The following SAMD4A variants were observed in gnomAD, a reference collection of about 807,000 sequenced individuals.
SAMD4A encodes the protein protein Smaug homolog 1.
A neutral mutation model predicts 81.3 loss-of-function variants in SAMD4A; 33 were observed. That is an observed-to-expected ratio of 0.41 (90% confidence interval 0.31 to 0.54). The LOEUF is 0.54. SAMD4A is among the 20% of genes least tolerant of loss of function. SAMD4A has a pLI of 0.37. For missense variants in SAMD4A, 854 were observed against 951.1 expected, an observed-to-expected ratio of 0.90 and a Z score of 1.34; for synonymous variants, 389 against 382.1, an observed-to-expected ratio of 1.02 and a Z score of -0.21.
chr14:54,787,453 C>A (rs1052526041), intron 12 of SAMD4A, among the ~76,000 whole-genome samples: 3 of 152,206 alleles, frequency 2.0e-5, no homozygotes, highest in Non-Finnish European at 4.4e-5. Flanking sequence ...GGAACCAACC[C>A]CCTGTGGTGG....
intron 6 of SAMD4A, among the ~76,000 whole-genome samples, chr14:54,757,857 C>T (rs991149371): frequency 3.9e-5 from 6 of 152,204 alleles, no homozygotes; most frequent in Non-Finnish European, 7.3e-5. Flanking sequence ...CTAGTTAGCA[C>T]GCAGTCTGAT....
chr14:54,569,971 G>T (rs2033080345), intron 2 of SAMD4A, among the ~76,000 whole-genome samples: 1 of 152,158 alleles, frequency 6.6e-6, no homozygotes, highest in Non-Finnish European at 1.5e-5. Context: ...ATTGAACTGT[G>T]AATTTTTTGA....
chr14:54,737,247 T>C lies in SAMD4A; in HGVS notation c.939T>C (p.Thr313=). 2 of 1,614,140 alleles carry C rather than the reference T, an allele frequency of 1.2e-6. No individual in the cohort carries two copies. Among genetic ancestry groups the C allele is most frequent in the South Asian group, 2.2e-5 (2 of 91,074 alleles). ...GGSEHLEDQT[T]ARNTFQEEGS... ...GTGAACACTTAGAAGATCAGACCAC[T>C]GCTCGTAACACATTCCAAGAAGAAG... is the stretch of plus-strand genomic sequence containing the variant. The change falls in exon 4 of 13, where the codon ACT becomes ACC. Residue 313 remains threonine (T), a synonymous_variant. Coordinates refer to ENST00000554335, the MANE Select transcript of SAMD4A (RefSeq NM_015589.6).
At chr14:54,630,447 C>T (rs886129761) in intron 2 of SAMD4A, among the ~76,000 whole-genome samples, 2 of 152,154 alleles carry the variant, frequency 1.3e-5, no homozygotes, top group East Asian at 3.8e-4. Flanking sequence ...TGTTGGCCAT[C>T]GTCCCATGTG....
intron 2 of SAMD4A, among the ~76,000 whole-genome samples, chr14:54,676,815 A>C (rs2036003776): frequency 6.6e-6 from 1 of 152,240 alleles, no homozygotes; most frequent in Non-Finnish European, 1.5e-5. Flanking sequence ...CACAGTAAGC[A>C]ATTCTCAAGA....
Position 54,766,048 on chromosome 14 carries a change from T to C in SAMD4A, c.1596+1508T>C, listed in dbSNP as rs75905687. 3.0e-3 allele frequency among the ~76,000 whole-genome samples: 455 copies of C among 152,258 alleles called. 11 individuals are homozygous for C. In the East Asian group the frequency reaches 0.068, roughly 23 times the overall value. On this transcript the variant is annotated intron_variant, in intron 8 of 12. Coordinates refer to ENST00000554335, the MANE Select transcript of SAMD4A (RefSeq NM_015589.6). ...CGCCATCCTCTGAAATGTTTAACTATACCAAAGTACTAGACTTTTCACTGA... is the reference window on the plus strand; with the variant it reads ...CGCCATCCTCTGAAATGTTTAACTACACCAAAGTACTAGACTTTTCACTGA...
chr14:54,710,496 G>A (rs1679305256), intron 3 of SAMD4A, among the ~76,000 whole-genome samples: 1 of 152,132 alleles, frequency 6.6e-6, no homozygotes. Flanking sequence ...AGTTCAGCTG[G>A]GATGTGAACC....
chr14:54,684,845 G>A (rs964443889), intron 2 of SAMD4A, among the ~76,000 whole-genome samples: 1 of 152,244 alleles, frequency 6.6e-6, no homozygotes, highest in Admixed American at 6.5e-5. Context: ...TGCAGCGTTT[G>A]ACTTGGGGGT....
intron 2 of SAMD4A, among the ~76,000 whole-genome samples, chr14:54,659,082 C>T (rs1372697731): frequency 6.6e-6 from 1 of 152,210 alleles, no homozygotes; most frequent in Non-Finnish European, 1.5e-5. Context: ...ATAGACAAAA[C>T]CTGGAATCCA....
At chr14:54,751,355 AAAG>A in intron 5 of SAMD4A, 93 bp from the exon 6 acceptor site, 1 of 773,424 alleles carries the variant, frequency 1.3e-6, no homozygotes, top group Non-Finnish European at 2.2e-6. Context: ...ATATAGGAGC[AAAG>A]AAGACAGTAA....
intron 2 of SAMD4A, chr14:54,685,796 A>AT: frequency 2.2e-6 from 1 of 456,646 alleles, no homozygotes; most frequent in Non-Finnish European, 4.4e-6. Flanking sequence ...GAATTCCATG[A>AT]TTTTCAGGCA....
intron 11 of SAMD4A, chr14:54,784,285 G>T: frequency 7.2e-7 from 1 of 1,388,104 alleles, no homozygotes; most frequent in Non-Finnish European, 1.0e-6. Flanking sequence ...GTTCTGAGCA[G>T]AGGAGGCACA....
chr14:54,591,706 G>A (rs938895621), intron 2 of SAMD4A, among the ~76,000 whole-genome samples: 1 of 152,136 alleles, frequency 6.6e-6, no homozygotes, highest in Admixed American at 6.5e-5. Flanking sequence ...TACAGCTCCT[G>A]TGCCTGGACA....
At chr14:54,637,020 G>A (rs774577590) in intron 2 of SAMD4A, among the ~76,000 whole-genome samples, 1 of 151,960 alleles carries the variant, frequency 6.6e-6, no homozygotes, top group Non-Finnish European at 1.5e-5. Context: ...GGGGAGTGAC[G>A]GTAAATAAAG....
intron 9 of SAMD4A, among the ~76,000 whole-genome samples, chr14:54,770,942 C>T (rs1288839560): frequency 6.6e-6 from 1 of 152,050 alleles, no homozygotes; most frequent in South Asian, 2.1e-4. Context: ...AGAATGTAAA[C>T]ATCCTGAAAA....
intron 3 of SAMD4A, among the ~76,000 whole-genome samples, chr14:54,715,501 T>C (rs533530279): frequency 2.1e-4 from 32 of 152,032 alleles, no homozygotes; most frequent in Non-Finnish European, 4.1e-4. Context: ...ACGTGAAAAA[T>C]CTAATACGGT....
chr14:54,707,510 A>G (rs1370917289), intron 3 of SAMD4A, among the ~76,000 whole-genome samples: 2 of 152,170 alleles, frequency 1.3e-5, no homozygotes, highest in East Asian at 1.9e-4. Flanking sequence ...GTATCAGTGG[A>G]TAAGACAAAG....
At chr14:54,740,412 AGAATTTG>A (rs2037817706) in intron 4 of SAMD4A, among the ~76,000 whole-genome samples, 1 of 152,390 alleles carries the variant, frequency 6.6e-6, no homozygotes, top group African/African-American at 2.4e-5. Context: ...AAAGCTTAGT[AGAATTTG>A]GAAGAGTTCT....
intron 11 of SAMD4A, among the ~76,000 whole-genome samples, chr14:54,781,058 C>G (rs992522816): frequency 1.1e-4 from 17 of 152,108 alleles, no homozygotes; most frequent in Admixed American, 1.0e-3. Flanking sequence ...TTTTGTCTTC[C>G]CTGCTTTCTC....
Sources: gnomAD v4.1 joint callset for allele counts (sites outside exome capture counted in the v4.1 genomes callset) on GRCh38, gnomAD v4.1.1 for gene constraint, MANE v1.5 for transcripts, NCBI Gene and HGNC (gene_info 2026-07-23, HGNC 2026-07-21) for gene names.